The following KLRD1 variants were observed in gnomAD, a reference collection of about 807,000 sequenced individuals.
The protein encoded by KLRD1 is killer cell lectin like receptor D1, also known as natural killer cells antigen CD94.
Under a neutral mutation model 22.6 loss-of-function variants are expected in KLRD1, and 21 were observed. The observed-to-expected ratio is 0.93, with a 90% CI of 0.66 to 1.34. The LOEUF is 1.34. Among genes scored for constraint, KLRD1 ranks in the 40% most tolerant of loss-of-function variants. The pLI is 0.00. For missense variants in KLRD1, 183 were observed against 208.6 expected (o/e 0.88, Z 0.76); for synonymous variants, 59 against 71.1 (o/e 0.83, Z 0.85).
chr12:10,303,233 C>T (rs1412490922), upstream of KLRD1, among the ~76,000 whole-genome samples: 1 of 152,170 alleles, frequency 6.6e-6, no homozygotes, highest in Non-Finnish European at 1.5e-5. Flanking sequence ...TCTCATTCAC[C>T]ATTTCACCTT....
intron 1 of KLRD1, among the ~76,000 whole-genome samples, chr12:10,262,462 G>T (rs138728184): frequency 4.9e-4 from 74 of 152,132 alleles, no homozygotes; most frequent in African/African-American, 1.8e-3. Flanking sequence ...CCTGATATAC[G>T]AGAGTTTTTC....
rs951095784 is a variant in KLRD1, at chr12:10,323,643, G to T, written c.*8850G>T. ...TATAAAACACCTACTAACCTCAAAA[G>T]TATCCTTTCCCCTATGTATAAAATA... On this transcript the variant is annotated 3_prime_UTR_variant, in exon 6 of 6. Transcript: ENST00000336164. The T allele has an allele frequency of 6.6e-6, 1 of 151,814 alleles. No individual in the cohort carries two copies. The highest frequency in any genetic ancestry group is 2.4e-5 in the African/African-American group (1 of 41,360). 9.4% of individuals were successfully genotyped at this position (151,814 alleles called of 1,614,324 possible).
Position 10,323,117 on chromosome 12 carries a change from CT to C in KLRD1, c.*8325del, listed in dbSNP as rs1448914575. ...CTTTTCACTATTATGAGTAAAATTGCTATAAACATTTTAATATAGCTCTTGT... is the reference window on the plus strand; with the variant it reads ...CTTTTCACTATTATGAGTAAAATTGCATAAACATTTTAATATAGCTCTTGT... On this transcript the variant is annotated 3_prime_UTR_variant, in exon 6 of 6. Coordinates refer to ENST00000336164, the MANE Select transcript of KLRD1 (RefSeq NM_002262.5). 1.3e-5 allele frequency: 2 copies of C among 152,148 alleles called. No individual in the cohort carries two copies. The highest frequency in any genetic ancestry group is 2.9e-5 in the Non-Finnish European group (2 of 68,030). 9.4% of individuals were successfully genotyped at this position (152,148 alleles called of 1,614,324 possible).
chr12:10,313,199 T>C (rs1950138181), intron 4 of KLRD1, among the ~76,000 whole-genome samples: 2 of 152,146 alleles, frequency 1.3e-5, no homozygotes, highest in South Asian at 2.1e-4. Context: ...AAGTGAGATT[T>C]TGTGGTATTT....
At chr12:10,297,510 A>C (rs114114173) in intron 1 of KLRD1, among the ~76,000 whole-genome samples, 2,179 of 152,258 alleles carry the variant, frequency 0.014, 49 homozygotes, top group African/African-American at 0.05. Flanking sequence ...AACTCAATAA[A>C]ATAATTTTAT....
chr12:10,256,147 C>T (rs1949393175), intron 1 of KLRD1, among the ~76,000 whole-genome samples: 1 of 151,886 alleles, frequency 6.6e-6, no homozygotes, highest in Non-Finnish European at 1.5e-5. Context: ...CTTTTGGTTA[C>T]TCTTTGCTTG....
At chr12:10,268,499 C>A (rs2137640316) in intron 1 of KLRD1, among the ~76,000 whole-genome samples, 1 of 152,194 alleles carries the variant, frequency 6.6e-6, no homozygotes, top group African/African-American at 2.4e-5. Context: ...TATAAGAAAG[C>A]TATTTTAATT....
chr12:10,309,333 A>G, intron 1 of KLRD1, 55 bp from the exon 2 acceptor site: 2 of 792,626 alleles, frequency 2.5e-6, no homozygotes, highest in Admixed American at 4.1e-5. Context: ...GCTTTTAAGA[A>G]CTCAGCTCCT....
intron 1 of KLRD1, among the ~76,000 whole-genome samples, chr12:10,297,124 T>C (rs1427796840): frequency 6.6e-6 from 1 of 152,238 alleles, no homozygotes; most frequent in African/African-American, 2.4e-5. Flanking sequence ...ACCCAGGTTA[T>C]CCTGATAGCT....
intron 1 of KLRD1, among the ~76,000 whole-genome samples, chr12:10,266,084 T>C (rs74062148): frequency 0.016 from 2,385 of 152,286 alleles, 51 homozygotes; most frequent in African/African-American, 0.054. Flanking sequence ...ACTTCTTTCT[T>C]GTTTCCATAG....
rs370815377 is a variant in KLRD1, at chr12:10,308,041, G to A, written c.-37G>A. ...TGTTCTTTCTGAAAAAGTACACATC[G>A]TGCCTTCTCTACTTCGCTCTTGGAA... On this transcript the variant is annotated 5_prime_UTR_variant, in exon 1 of 6. The change creates a new upstream start codon in the 5' untranslated region. Coordinates refer to ENST00000336164, the MANE Select transcript of KLRD1 (RefSeq NM_002262.5). 4.1e-5 allele frequency: 66 copies of A among 1,600,096 alleles called. No homozygotes were observed. The African/African-American group carries it at 7.0e-4, about 17-fold the overall frequency.
chr12:10,310,873 T>A (rs765174293), intron 3 of KLRD1, among the ~76,000 whole-genome samples: 35 of 152,352 alleles, frequency 2.3e-4, no homozygotes, highest in Middle Eastern at 6.8e-3. Context: ...ACGTGTCATG[T>A]TTTTATTACC....
At position 10,317,556 on chromosome 12, in the gene KLRD1, T is replaced by G. The variant is rs1418902250; in HGVS notation, c.*2763T>G. On this transcript the variant is annotated 3_prime_UTR_variant, in exon 6 of 6. Transcript: ENST00000336164. ...ATAAAATCCTAAGCAAGCCTTTGTT[T>G]CTTTGCAGTCAGCTTTTCTTCTGCT... is the stretch of plus-strand genomic sequence containing the variant. 1 of 152,238 alleles carries G rather than the reference T, an allele frequency of 6.6e-6. No homozygotes were observed. Among genetic ancestry groups the G allele is most frequent in the East Asian group, 1.9e-4 (1 of 5,198 alleles). The allele number at this position is 152,238 out of a possible 1,614,324, so 9.4% of individuals were successfully genotyped here.
At chr12:10,264,987 C>T (rs2617139) in intron 1 of KLRD1, among the ~76,000 whole-genome samples, 148,717 of 152,162 alleles carry the variant, frequency 0.98, 72,757 homozygotes, top group East Asian at 1. Flanking sequence ...CTAAGCATAA[C>T]GTCTTCCAAG....
chr12:10,284,446 A>T (rs995968014), intron 1 of KLRD1, among the ~76,000 whole-genome samples: 1 of 152,166 alleles, frequency 6.6e-6, no homozygotes, highest in Non-Finnish European at 1.5e-5. Context: ...CTTTATCCAT[A>T]AGGCTAAAAA....
intron 3 of KLRD1, 58 bp downstream of exon 3, chr12:10,309,746 T>A: frequency 8.4e-7 from 1 of 1,189,006 alleles, no homozygotes; most frequent in Non-Finnish European, 1.3e-6. Flanking sequence ...GGCAGTTTCT[T>A]GTTTTTCACA....
chr12:10,245,818 A>AT (rs1437028412), intron 1 of KLRD1, among the ~76,000 whole-genome samples: 1 of 151,990 alleles, frequency 6.6e-6, no homozygotes, highest in African/African-American at 2.4e-5. Flanking sequence ...CTTAAGAAAC[A>AT]TTTATTTTAC....
At chr12:10,283,642 C>T (rs943562631) in intron 1 of KLRD1, among the ~76,000 whole-genome samples, 2 of 152,088 alleles carry the variant, frequency 1.3e-5, no homozygotes, top group Non-Finnish European at 2.9e-5. Flanking sequence ...GGCTTCTCCC[C>T]TCTTCCTACC....
In KLRD1 at chr12:10,252,516, A is replaced by C. The variant is rs140638916; in HGVS notation, c.-101+26283A>C. Among the ~76,000 whole-genome samples the C allele has an allele frequency of 5.9e-5, 9 of 152,078 alleles. No homozygotes were observed. The East Asian group carries it at 1.7e-3, about 29-fold the overall frequency. On this transcript the variant is annotated intron_variant, in intron 1 of 5. Transcript: ENST00000544747. ...GAGAACTTGTCTCCAAAAAACAAAC[A>C]AACAAACAAACCCCACCACATTCTC...
Sources: allele counts gnomAD v4.1 joint callset (sites outside exome capture counted in the v4.1 genomes callset), GRCh38; gene constraint gnomAD v4.1.1; transcripts MANE v1.5; gene names NCBI Gene and HGNC (gene_info 2026-07-23, HGNC 2026-07-21).